The following ACTN2 variants were observed in gnomAD, a reference collection of about 807,000 sequenced individuals.
ACTN2 encodes actinin alpha 2.
Under a neutral mutation model 113.8 loss-of-function variants are expected in ACTN2, and 39 were observed. The ratio of observed to expected loss-of-function variants is 0.34; its 90% CI spans 0.27 to 0.45. The LOEUF (loss-of-function observed/expected upper bound fraction) is 0.45. Ranked by LOEUF, ACTN2 falls within the 20% of genes least tolerant of loss-of-function variation. The pLI, the probability that ACTN2 is intolerant of heterozygous loss-of-function variation, is 1.00. For missense variants in ACTN2, 992 were observed against 1,177.9 expected (o/e 0.84, Z 2.31); for synonymous variants, 429 against 444.1 (o/e 0.97, Z 0.43).
At chr1:236,727,879 A>T in intron 6 of ACTN2, 123 bp downstream of exon 6, 2 of 869,018 alleles carry the variant, frequency 2.3e-6, no homozygotes, top group Non-Finnish European at 3.8e-6. Context: ...GGCCACCAGG[A>T]AAAAGCACAT....
At chr1:236,720,306 A>G (rs1658345485) in intron 4 of ACTN2, 115 bp downstream of exon 4, 8 of 844,476 alleles carry the variant, frequency 9.5e-6, no homozygotes, top group South Asian at 1.4e-5. Context: ...AATGAGAGAC[A>G]TGTAAGTGGG....
rs542657199 is a variant in ACTN2, at chr1:236,701,928, A to C, written c.126+15129A>C. 1.5e-3 allele frequency among the ~76,000 whole-genome samples: 228 copies of C among 152,278 alleles called. 2 individuals carry two copies. Among genetic ancestry groups the C allele is most frequent in the African/African-American group, 5.3e-3 (222 of 41,538 alleles). ...GGCTGTCACCATGGAGGCCTTTAAG[A>C]ACTTGGTAGGGAAGCAGGAAAAATC... On this transcript the variant is annotated intron_variant, in intron 1 of 20. Coordinates refer to ENST00000366578, the MANE Select transcript of ACTN2 (RefSeq NM_001103.4).
intron 6 of ACTN2, among the ~76,000 whole-genome samples, chr1:236,729,076 T>C: frequency 6.6e-6 from 1 of 152,100 alleles, no homozygotes. Context: ...CTTGATTTCT[T>C]TTTCCATCAT....
intron 3 of ACTN2, 74 bp from the exon 4 acceptor site, chr1:236,720,031 C>T: frequency 9.7e-7 from 1 of 1,027,646 alleles, no homozygotes; most frequent in South Asian, 1.3e-5. Context: ...CTGAAGTCAA[C>T]ATTTATATAT....
At position 236,757,622 on chromosome 1, in the gene ACTN2, A is replaced by G; in HGVS notation, c.2291A>G (p.His764Arg). ...AATGAGTTCAGAGCCTCCTTCAACC[A>G]CTTTGACAGGGTACCACTCTCTACT... ...QMNEFRASFN[H>R]FDRRKNGLMD... is the part of the protein sequence containing the mutation. The change falls in exon 18 of 21, where the codon CAC (histidine) becomes CGC (arginine). Residue 764 changes from histidine (H) to arginine (R), a missense_variant. Coordinates refer to ENST00000366578, the MANE Select transcript of ACTN2 (RefSeq NM_001103.4). 1.9e-6 allele frequency: 3 copies of G among 1,614,176 alleles called. No individual in the cohort carries two copies. The highest frequency in any genetic ancestry group is 2.5e-6 in the Non-Finnish European group (3 of 1,180,028).
At chr1:236,686,829 G>A in intron 1 of ACTN2, 30 bp downstream of exon 1, 2 of 1,442,576 alleles carry the variant, frequency 1.4e-6, no homozygotes, top group Non-Finnish European at 1.8e-6. Flanking sequence ...CCGCCCGCGC[G>A]TGGTGGGGCC....
At chr1:236,715,232 G>T (rs891552356) in intron 1 of ACTN2, among the ~76,000 whole-genome samples, 23 of 149,058 alleles carry the variant, frequency 1.5e-4, no homozygotes, top group African/African-American at 5.4e-4. Flanking sequence ...ATGTATACAT[G>T]TGCCATGTTG....
At chr1:236,750,211 CT>C (rs199798503) in intron 14 of ACTN2, among the ~76,000 whole-genome samples, 6 of 151,932 alleles carry the variant, frequency 3.9e-5, no homozygotes, top group African/African-American at 7.3e-5. Flanking sequence ...ACTTTTTACT[CT>C]TTTTTTTCTG....
chr1:236,686,740 G>T lies in ACTN2; in HGVS notation c.67G>T (p.Glu23Ter). The T allele has an allele frequency of 6.4e-7, 1 of 1,557,222 alleles. No homozygotes were observed. The highest frequency in any genetic ancestry group is 1.2e-5 in the South Asian group (1 of 85,492). The change falls in exon 1 of 21, where the codon GAG (glutamate) becomes TAG (stop). Residue 23 changes from glutamate to a stop codon, truncating the protein, a stop_gained. Transcript: ENST00000366578. LOFTEE classifies it high-confidence loss of function. ...VYDEDEYMIQ[E>*]EEWDRDLLLD... ...CGACGAGGATGAGTACATGATCCAG[G>T]AGGAGGAGTGGGACCGCGACCTGCT...
chr1:236,697,925 A>G (rs1657562642), intron 1 of ACTN2, among the ~76,000 whole-genome samples: 1 of 134,364 alleles, frequency 7.4e-6, no homozygotes, highest in South Asian at 2.5e-4. Flanking sequence ...ATGCCTGGCT[A>G]ATTTTCGTAT....
chr1:236,696,962 ATTG>A (rs71721494), intron 1 of ACTN2, among the ~76,000 whole-genome samples: 28,790 of 151,980 alleles, frequency 0.19, 2,707 homozygotes, highest in South Asian at 0.24. Flanking sequence ...GTGCCCGGCC[ATTG>A]TTGTCCCACT....
intron 7 of ACTN2, among the ~76,000 whole-genome samples, chr1:236,734,943 T>G (rs1658823091): frequency 6.6e-6 from 1 of 152,256 alleles, no homozygotes; most frequent in Non-Finnish European, 1.5e-5. Flanking sequence ...ATGGTTCTGT[T>G]TTCTGTCTTC....
At chr1:236,757,755 T>C (rs1206122139) in intron 18 of ACTN2, 123 bp downstream of exon 18, 1 of 1,358,184 alleles carries the variant, frequency 7.4e-7, no homozygotes, top group African/African-American at 1.4e-5. Context: ...ACAGGATAGT[T>C]AATGACAAAA....
At position 236,686,750 on chromosome 1, in the gene ACTN2, G is replaced by A; in HGVS notation, c.77G>A (p.Trp26Ter). The A allele has an allele frequency of 6.4e-7, 1 of 1,553,254 alleles. No individual in the cohort carries two copies. Among genetic ancestry groups the A allele is most frequent in the Non-Finnish European group, 8.7e-7 (1 of 1,149,084 alleles). The change falls in exon 1 of 21, where the codon TGG becomes TAG. Residue 26 changes from tryptophan (W) to a stop codon, truncating the protein, a stop_gained. Coordinates refer to ENST00000366578, the MANE Select transcript of ACTN2 (RefSeq NM_001103.4). LOFTEE classifies it high-confidence loss of function. The part of the protein sequence containing the change: ...EDEYMIQEEE[W>*]DRDLLLDPAW... ...GAGTACATGATCCAGGAGGAGGAGTGGGACCGCGACCTGCTCCTGGACCCA... is the reference window on the plus strand; with the variant it reads ...GAGTACATGATCCAGGAGGAGGAGTAGGACCGCGACCTGCTCCTGGACCCA...
At chr1:236,698,301 G>C (rs1192623577) in intron 1 of ACTN2, among the ~76,000 whole-genome samples, 1 of 151,434 alleles carries the variant, frequency 6.6e-6, no homozygotes, top group Non-Finnish European at 1.5e-5. Context: ...ATAGAATTAA[G>C]GAAATGAATT....
intron 1 of ACTN2, among the ~76,000 whole-genome samples, chr1:236,712,788 T>C (rs1047727770): frequency 9.9e-5 from 15 of 152,210 alleles, no homozygotes; most frequent in Non-Finnish European, 2.1e-4. Flanking sequence ...GATGCCTGTA[T>C]TATGAAGAGA....
intron 1 of ACTN2, among the ~76,000 whole-genome samples, chr1:236,713,173 A>G (rs1233360145): frequency 6.6e-6 from 1 of 152,086 alleles, no homozygotes; most frequent in African/African-American, 2.4e-5. Flanking sequence ...ATAAAAACAA[A>G]GAATTTATAC....
At chr1:236,737,978 A>G (rs577885405) in intron 9 of ACTN2, among the ~76,000 whole-genome samples, 1 of 152,246 alleles carries the variant, frequency 6.6e-6, no homozygotes, top group African/African-American at 2.4e-5. Context: ...AGACCAAATA[A>G]TTTTTGCCAA....
At chr1:236,704,149 A>G (rs1422554925) in intron 1 of ACTN2, among the ~76,000 whole-genome samples, 3 of 152,206 alleles carry the variant, frequency 2.0e-5, no homozygotes, top group African/African-American at 4.8e-5. Flanking sequence ...GTTTCACAGG[A>G]CAAGGGAAGC....
Sources: allele counts gnomAD v4.1 joint callset (sites outside exome capture counted in the v4.1 genomes callset), GRCh38; gene constraint gnomAD v4.1.1; transcripts MANE v1.5; gene names NCBI Gene and HGNC (gene_info 2026-07-23, HGNC 2026-07-21).